SPDYE14: variants seen among roughly 807,000 people sequenced by gnomAD.
SPDYE14 encodes speedy protein E14.
the SPDYE14 span, among the ~76,000 whole-genome samples, chr7:75,251,338 A>G: frequency 4.7e-5 from 2 of 42,174 alleles, 1 homozygote; most frequent in African/African-American, 1.3e-4. Context: ...CCCGCCTCAG[A>G]CTCCCAAAGT....
the SPDYE14 span, among the ~76,000 whole-genome samples, chr7:75,275,739 TAAA>T: frequency 0.28 from 4,013 of 14,554 alleles, 1,335 homozygotes; most frequent in Middle Eastern, 0.5. Context: ...AAAAATAAAT[TAAA>T]AAAAAAAAAA....
the SPDYE14 span, among the ~76,000 whole-genome samples, chr7:75,274,908 G>A: frequency 4.4e-4 from 28 of 63,296 alleles, 4 homozygotes; most frequent in African/African-American, 1.1e-3. Context: ...GAAAACCAAG[G>A]AACTTTTTAC....
chr7:75,247,445 AAAG>A, the SPDYE14 span, among the ~76,000 whole-genome samples: 7 of 49,770 alleles, frequency 1.4e-4, no homozygotes, highest in African/African-American at 2.2e-4. Flanking sequence ...AGAGAAAGAG[AAAG>A]AAAGAAAGAA....
the SPDYE14 span, among the ~76,000 whole-genome samples, chr7:75,240,624 A>C: frequency 1.4e-5 from 1 of 71,286 alleles, no homozygotes; most frequent in Non-Finnish European, 3.1e-5. Flanking sequence ...AAAACAAAAC[A>C]ACAACAATAA....
the SPDYE14 span, among the ~76,000 whole-genome samples, chr7:75,237,926 C>T: frequency 1.0e-5 from 1 of 100,124 alleles, no homozygotes; most frequent in Non-Finnish European, 2.4e-5. Context: ...AGGGGAGGCA[C>T]GGGGCGGGTG....
At chr7:75,244,132 T>G in the SPDYE14 span, among the ~76,000 whole-genome samples, 1 of 53,048 alleles carries the variant, frequency 1.9e-5, no homozygotes, top group South Asian at 6.1e-4. Flanking sequence ...GAGTCTTGCT[T>G]TGTCACCCAG....
the SPDYE14 span, among the ~76,000 whole-genome samples, chr7:75,271,213 TAA>T: frequency 0.022 from 176 of 7,984 alleles, 23 homozygotes; most frequent in Non-Finnish European, 0.047. Flanking sequence ...ACTCCACCTC[TAA>T]AAAAAAAAAA....
chr7:75,264,847 A>C, the SPDYE14 span, among the ~76,000 whole-genome samples: 1 of 20,618 alleles, frequency 4.9e-5, no homozygotes, highest in Non-Finnish European at 1.2e-4. Context: ...CACACCCATC[A>C]ATAATTGGGA....
the SPDYE14 span, among the ~76,000 whole-genome samples, chr7:75,271,602 G>A: frequency 5.9e-5 from 3 of 51,264 alleles, no homozygotes; most frequent in Non-Finnish European, 1.0e-4. Context: ...AGGCTGAGGC[G>A]GGTGGATCAC....
the SPDYE14 span, among the ~76,000 whole-genome samples, chr7:75,265,297 C>T: frequency 3.0e-5 from 3 of 99,034 alleles, no homozygotes; most frequent in African/African-American, 1.1e-4. Context: ...TTAGTAGAGG[C>T]AGGGTTTCAT....
the SPDYE14 span, chr7:75,237,708 C>A: frequency 9.0e-6 from 1 of 110,532 alleles, no homozygotes; most frequent in Non-Finnish European, 2.1e-5. Context: ...TAACAAACAA[C>A]TTGCCACTCA....
the SPDYE14 span, among the ~76,000 whole-genome samples, chr7:75,247,511 A>AGAG: frequency 1.7e-5 from 2 of 119,066 alleles, no homozygotes; most frequent in Non-Finnish European, 4.0e-5. Context: ...GAAAGAGGAA[A>AGAG]GAAAGAAAGA....
chr7:75,240,413 T>C, the SPDYE14 span, among the ~76,000 whole-genome samples: 2 of 51,646 alleles, frequency 3.9e-5, 1 homozygote, highest in South Asian at 1.3e-3. Flanking sequence ...CTGGCCAGCA[T>C]GGTGAAACCC....
chr7:75,275,171 G>A, the SPDYE14 span, among the ~76,000 whole-genome samples: 1 of 59,330 alleles, frequency 1.7e-5, no homozygotes, highest in African/African-American at 4.0e-5. Context: ...CTGCCCGGCC[G>A]CCCCTACTGG....
chr7:75,273,229 T>C, the SPDYE14 span, among the ~76,000 whole-genome samples: 2 of 60,366 alleles, frequency 3.3e-5, 1 homozygote, highest in African/African-American at 7.9e-5. Flanking sequence ...GCCCATGGAA[T>C]GTAAGCCAAT....
At chr7:75,273,623 C>T in the SPDYE14 span, among the ~76,000 whole-genome samples, 12 of 59,218 alleles carry the variant, frequency 2.0e-4, 5 homozygotes, top group Non-Finnish European at 4.8e-4. Flanking sequence ...CAGAATGGAC[C>T]AAGACAGGGA....
At chr7:75,273,538 A>AAAAAC in the SPDYE14 span, among the ~76,000 whole-genome samples, 254 of 56,964 alleles carry the variant, frequency 4.5e-3, 78 homozygotes, top group African/African-American at 9.8e-3. Flanking sequence ...CTCCATCTCC[A>AAAAAC]AAAACAAAAC....
chr7:75,265,542 A>T, the SPDYE14 span, among the ~76,000 whole-genome samples: 1 of 13,092 alleles, frequency 7.6e-5, no homozygotes, highest in African/African-American at 2.3e-4. Context: ...ACATGGAGAA[A>T]CCCTGTCTCT....
the SPDYE14 span, chr7:75,237,725 G>A: frequency 8.9e-6 from 1 of 112,732 alleles, no homozygotes; most frequent in African/African-American, 2.5e-5. Context: ...CTCAAACGCC[G>A]GTCCCCGCTG....
Sources: gnomAD v4.1 joint callset for allele counts (sites outside exome capture counted in the v4.1 genomes callset) on GRCh38, gnomAD v4.1.1 for gene constraint, MANE v1.5 for transcripts, NCBI Gene and HGNC (gene_info 2026-07-23, HGNC 2026-07-21) for gene names.